The following ZRANB3 variants were observed in gnomAD, a reference collection of about 807,000 sequenced individuals.
ZRANB3 encodes DNA annealing helicase and endonuclease ZRANB3.
In ZRANB3, 125 loss-of-function variants were observed where a neutral mutation model predicts 133.8. The ratio of observed to expected loss-of-function variants is 0.93; its 90% CI spans 0.81 to 1.08. The LOEUF (loss-of-function observed/expected upper bound fraction) is 1.08. Ranked by LOEUF, ZRANB3 falls within the 50% of genes least tolerant of loss-of-function variation. The probability of loss-of-function intolerance (pLI) is 0.00; values close to 1 mark genes in which losing one functional copy is unlikely to be tolerated. For synonymous variants in ZRANB3, 387 were observed against 432.7 expected (o/e 0.89, Z 1.31); for missense variants, 1,229 against 1,275.5 (o/e 0.96, Z 0.56).
intron 13 of ZRANB3, chr2:135,228,255 A>C (rs1036223495): frequency 3.0e-6 from 1 of 331,468 alleles, no homozygotes; most frequent in Non-Finnish European, 5.4e-6. Flanking sequence ...AAAGACAATA[A>C]AATTAACAAA....
chr2:135,217,406 C>T, intron 17 of ZRANB3, 59 bp downstream of exon 17: 3 of 1,474,046 alleles, frequency 2.0e-6, no homozygotes, highest in Admixed American at 5.0e-5. Context: ...TCAGACCCCC[C>T]TGTAGAAAGA....
At position 135,219,034 on chromosome 2, in the gene ZRANB3, T is replaced by C. The variant is rs749074099; in HGVS notation, c.2352+43A>G. ...ATCATTAAAATTACTAAAACAAGTTTATTTAAAGTAAATAAAGCCATTTTA... is the reference window on the plus strand; with the variant it reads ...ATCATTAAAATTACTAAAACAAGTTCATTTAAAGTAAATAAAGCCATTTTA... On this transcript the variant is annotated intron_variant, in intron 16 of 20. Transcript: ENST00000264159. 2.4e-6 allele frequency: 3 copies of C among 1,255,012 alleles called. No individual in the cohort carries two copies. In the South Asian group the frequency reaches 5.5e-5, roughly 23 times the overall value. 77.7% of individuals were successfully genotyped at this position (1,255,012 alleles called of 1,614,324 possible).
At chr2:135,467,298 T>C (rs1044616450) in intron 2 of ZRANB3, among the ~76,000 whole-genome samples, 7 of 152,176 alleles carry the variant, frequency 4.6e-5, no homozygotes, top group Admixed American at 3.9e-4. Context: ...TGTCCATATC[T>C]ACAGTTAAGA....
chr2:135,201,062 T>C (rs530245698), intron 20 of ZRANB3, among the ~76,000 whole-genome samples: 13 of 152,050 alleles, frequency 8.5e-5, no homozygotes, highest in Non-Finnish European at 1.5e-4. Flanking sequence ...GCGAAGAAAA[T>C]CTACCCACTT....
rs142480736 is a variant in ZRANB3 at position 135,458,931 on chromosome 2, T to C, written c.161+45398A>G. Among the ~76,000 whole-genome samples the C allele has an allele frequency of 4.2e-3, 636 of 152,252 alleles. 6 individuals are homozygous for C. Among genetic ancestry groups the C allele is most frequent in the African/African-American group, 0.014 (602 of 41,558 alleles). On this transcript the variant is annotated intron_variant, in intron 2 of 20. Coordinates refer to ENST00000264159, the MANE Select transcript of ZRANB3 (RefSeq NM_032143.4). ...AAAACTCTGATCAAAGCAGGTTAAA[T>C]CACTGCTCAAGGTCAGACACCTAAC...
chr2:135,215,989 A>G (rs1300914399), intron 17 of ZRANB3, among the ~76,000 whole-genome samples: 1 of 152,172 alleles, frequency 6.6e-6, no homozygotes. Context: ...CCACTGTCCA[A>G]GAGAAACCCG....
At chr2:135,490,480 T>C (rs1245603038) in intron 2 of ZRANB3, among the ~76,000 whole-genome samples, 2 of 152,044 alleles carry the variant, frequency 1.3e-5, no homozygotes, top group South Asian at 2.1e-4. Flanking sequence ...TTAAAATTGC[T>C]TTTATCAAAA....
chr2:135,206,363 C>T (rs1168265537), intron 19 of ZRANB3, among the ~76,000 whole-genome samples: 3 of 151,810 alleles, frequency 2.0e-5, no homozygotes, highest in Non-Finnish European at 4.4e-5. Context: ...CCTCAGCTCC[C>T]GAGTAGTTGG....
chr2:135,477,132 C>T (rs1232132973), intron 2 of ZRANB3, among the ~76,000 whole-genome samples: 2 of 152,080 alleles, frequency 1.3e-5, no homozygotes, highest in East Asian at 1.9e-4. Context: ...TTTCATTTTA[C>T]TTGCTGTTGA....
Position 135,341,618 on chromosome 2 carries a change from C to T in ZRANB3, c.677+3932G>A, listed in dbSNP as rs1338951069. ...CTGACTGCTTGGGAGCCAGGCAGGA[C>T]AGAACTGTATTTCTCTTATTGCTGA... On this transcript the variant is annotated intron_variant, in intron 6 of 20. Coordinates refer to ENST00000264159, the MANE Select transcript of ZRANB3 (RefSeq NM_032143.4). Among the ~76,000 whole-genome samples the T allele has an allele frequency of 2.0e-5, 3 of 149,922 alleles. 1 individual carries two copies. Among genetic ancestry groups the T allele is most frequent in the African/African-American group, 5.1e-5 (2 of 39,276 alleles).
At chr2:135,479,354 G>A (rs1050818244) in intron 2 of ZRANB3, among the ~76,000 whole-genome samples, 11 of 152,114 alleles carry the variant, frequency 7.2e-5, no homozygotes, top group Admixed American at 2.0e-4. Context: ...ACACCTATTG[G>A]CCAGGCACGG....
At chr2:135,223,193 G>GA (rs1694621721) in intron 15 of ZRANB3, among the ~76,000 whole-genome samples, 2 of 151,874 alleles carry the variant, frequency 1.3e-5, no homozygotes, top group Admixed American at 1.3e-4. Flanking sequence ...AGAGGTTGCA[G>GA]TGAGCCGAGA....
chr2:135,442,527 A>G (rs1689824974), intron 2 of ZRANB3, among the ~76,000 whole-genome samples: 2 of 152,208 alleles, frequency 1.3e-5, no homozygotes, highest in South Asian at 2.1e-4. Context: ...AATGGCGATC[A>G]TTAAAAAGTC....
chr2:135,291,678 T>C (rs1273220293), intron 8 of ZRANB3, among the ~76,000 whole-genome samples: 3 of 152,092 alleles, frequency 2.0e-5, no homozygotes, highest in Admixed American at 2.0e-4. Context: ...ATGTGCCATG[T>C]TGGTGTGCTG....
At chr2:135,487,546 A>G (rs1471533800) in intron 2 of ZRANB3, among the ~76,000 whole-genome samples, 2 of 152,226 alleles carry the variant, frequency 1.3e-5, no homozygotes, top group Admixed American at 6.5e-5. Context: ...ACTTTTATCA[A>G]TGATCTTAGC....
intron 4 of ZRANB3, among the ~76,000 whole-genome samples, chr2:135,352,974 A>G (rs1685275611): frequency 6.6e-6 from 1 of 152,144 alleles, no homozygotes; most frequent in Non-Finnish European, 1.5e-5. Flanking sequence ...AAATATTTTC[A>G]AGATATAAAA....
chr2:135,444,367 A>G (rs1689924484), intron 2 of ZRANB3, among the ~76,000 whole-genome samples: 1 of 152,194 alleles, frequency 6.6e-6, no homozygotes, highest in African/African-American at 2.4e-5. Context: ...GGAAAAATAC[A>G]AATCTCCATC....
At chr2:135,370,768 C>G (rs978237767) in intron 3 of ZRANB3, among the ~76,000 whole-genome samples, 5 of 152,174 alleles carry the variant, frequency 3.3e-5, no homozygotes, top group African/African-American at 1.2e-4. Flanking sequence ...TGATTTGGCT[C>G]TGTGTCCCCA....
intron 2 of ZRANB3, among the ~76,000 whole-genome samples, chr2:135,466,048 G>T (rs1690974158): frequency 1.3e-5 from 2 of 152,084 alleles, no homozygotes; most frequent in Non-Finnish European, 2.9e-5. Context: ...AAATGCTAAG[G>T]ACTCACTAAA....
Sources: gnomAD v4.1 joint callset for allele counts (sites outside exome capture counted in the v4.1 genomes callset) on GRCh38, gnomAD v4.1.1 for gene constraint, MANE v1.5 for transcripts, NCBI Gene and HGNC (gene_info 2026-07-23, HGNC 2026-07-21) for gene names.